Variants in FHAD1 observed in about 807,000 individuals in gnomAD.
FHAD1 encodes the protein forkhead-associated domain-containing protein 1.
A neutral mutation model predicts 191.3 loss-of-function variants in FHAD1; 146 were observed. The observed-to-expected ratio is 0.76, with a 90% CI of 0.67 to 0.88. The LOEUF (loss-of-function observed/expected upper bound fraction) is 0.88, where lower values mean the gene tolerates loss of function less well. Ranked by LOEUF, FHAD1 falls within the 40% of genes least tolerant of loss-of-function variation. FHAD1 has a pLI of 0.00. For synonymous variants in FHAD1, 616 were observed against 672.3 expected (o/e 0.92, Z 1.29); for missense variants, 1,635 against 1,785.8 (o/e 0.92, Z 1.52).
At position 15,365,907 on chromosome 1, in the gene FHAD1, C is replaced by A. The variant is rs373444389; in HGVS notation, c.3128C>A (p.Ala1043Asp). ...AAGTTAAGGAAAGACCTTACCGAAG[C>A]CCACAGCAGAATGTCGGATTTGAGA... ...IMKLRKDLTEAHSRMSDLRGE... is the reference protein window; with the variant it reads ...IMKLRKDLTEDHSRMSDLRGE... Residue 1043 changes from alanine to aspartate, a missense_variant, in exon 24 of 34, where the codon GCC becomes GAC. Physicochemically the swap from Ala to Asp is moderately radical, Grantham distance 126. Transcript: ENST00000688493. 1.0e-4 allele frequency: 156 copies of A among 1,551,168 alleles called. No homozygotes were observed. The highest frequency in any genetic ancestry group is 2.7e-4 in the Admixed American group (14 of 50,970).
intron 1 of FHAD1, 84 bp from the exon 2 acceptor site, chr1:15,251,687 A>G: frequency 9.4e-7 from 1 of 1,064,086 alleles, no homozygotes; most frequent in Non-Finnish European, 1.4e-6. Flanking sequence ...CTCTGTGGTT[A>G]TTTCATTCAT....
At chr1:15,353,031 A>T in intron 20 of FHAD1, 47 bp downstream of exon 20, 3 of 1,371,318 alleles carry the variant, frequency 2.2e-6, no homozygotes, top group Non-Finnish European at 3.0e-6. Context: ...AGCACAGCGA[A>T]GGGCAGTGCT....
intron 23 of FHAD1, 108 bp downstream of exon 23, chr1:15,362,834 A>G: frequency 1.2e-6 from 1 of 825,050 alleles, no homozygotes; most frequent in Non-Finnish European, 2.0e-6. Flanking sequence ...GAAGCCAAAC[A>G]AGGAGCCGGG....
chr1:15,374,179 T>C (rs1012083429), intron 26 of FHAD1, among the ~76,000 whole-genome samples: 1 of 152,202 alleles, frequency 6.6e-6, no homozygotes, highest in Admixed American at 6.5e-5. Flanking sequence ...TGGCTGTGAT[T>C]GTTCAGAAAC....
intron 2 of FHAD1, among the ~76,000 whole-genome samples, chr1:15,271,408 G>A (rs554221429): frequency 2.0e-5 from 3 of 152,308 alleles, no homozygotes; most frequent in African/African-American, 7.2e-5. Flanking sequence ...GGAACATGCA[G>A]TCACCTCCTT....
intron 2 of FHAD1, among the ~76,000 whole-genome samples, chr1:15,263,399 T>G (rs981338735): frequency 6.6e-6 from 1 of 152,136 alleles, no homozygotes; most frequent in Non-Finnish European, 1.5e-5. Context: ...CGGAAGCTTT[T>G]CTTCTATGTT....
chr1:15,294,295 T>G (rs996592116), intron 4 of FHAD1, among the ~76,000 whole-genome samples: 7 of 152,200 alleles, frequency 4.6e-5, no homozygotes, highest in Non-Finnish European at 1.0e-4. Flanking sequence ...AAAATTCTAT[T>G]TGGAAACGCA....
intron 2 of FHAD1, among the ~76,000 whole-genome samples, chr1:15,262,036 C>T (rs1651327392): frequency 6.6e-6 from 1 of 152,154 alleles, no homozygotes; most frequent in African/African-American, 2.4e-5. Context: ...CACACACACA[C>T]ACCAGTTAAT....
In FHAD1 at chr1:15,341,972, A is replaced by G. The variant is rs1023082746; in HGVS notation, c.2130+84A>G. The G allele has an allele frequency of 9.6e-6, 12 of 1,248,322 alleles. No individual in the cohort carries two copies. The South Asian group carries it at 2.1e-4, about 22-fold the overall frequency. The allele number at this position is 1,248,322 out of a possible 1,614,324, so 77.3% of individuals were successfully genotyped here. A position where few individuals can be genotyped will look rare whatever the true frequency, so the allele number is the denominator to read the frequency against. ...TGGGAAATTGAGGGCATGTACTTAGACAGAGAAATCTCAGCTACTCTGTTT... is the reference window on the plus strand; with the variant it reads ...TGGGAAATTGAGGGCATGTACTTAGGCAGAGAAATCTCAGCTACTCTGTTT... On this transcript the variant is annotated intron_variant, in intron 16 of 33. Coordinates refer to ENST00000688493, the MANE Select transcript of FHAD1 (RefSeq NM_001391957.1).
intron 33 of FHAD1, among the ~76,000 whole-genome samples, chr1:15,395,635 C>A (rs1196744678): frequency 6.6e-6 from 1 of 152,152 alleles, no homozygotes; most frequent in Non-Finnish European, 1.5e-5. Context: ...TGCCAGGACG[C>A]CCCCTCCTTT....
At chr1:15,377,870 G>A (rs1700019513) in intron 28 of FHAD1, among the ~76,000 whole-genome samples, 1 of 152,134 alleles carries the variant, frequency 6.6e-6, no homozygotes, top group Non-Finnish European at 1.5e-5. Context: ...GAAGGAGCAG[G>A]AGGAAGAACA....
rs1254170305 is a variant in FHAD1, at chr1:15,374,533, G to A, written c.3479G>A (p.Cys1160Tyr). Residue 1160 changes from cysteine to tyrosine, a missense_variant, in exon 27 of 34, where the codon TGC becomes TAC. Cys to Tyr is a radical substitution (Grantham distance 194). Coordinates refer to ENST00000688493, the MANE Select transcript of FHAD1 (RefSeq NM_001391957.1). ...QQSFSDLGVR[C>Y]KGSRHEEVIQ... The stretch of plus-strand genomic sequence containing the variant: ...TCCTTCAGCGATCTAGGGGTCAGGT[G>A]CAAAGGGTCCCGGCACGAGGAGGTC... The A allele has an allele frequency of 5.2e-6, 8 of 1,551,684 alleles. No individual in the cohort carries two copies. In the Admixed American group the frequency reaches 5.9e-5, roughly 11 times the overall value.
At chr1:15,326,927 G>C (rs1381942859) in intron 11 of FHAD1, 132 bp from the exon 12 acceptor site, 1 of 612,470 alleles carries the variant, frequency 1.6e-6, no homozygotes. Context: ...TGAAGATTCT[G>C]ATAACGCGGA....
At chr1:15,348,299 C>A (rs1206786539) in intron 18 of FHAD1, among the ~76,000 whole-genome samples, 1 of 152,148 alleles carries the variant, frequency 6.6e-6, no homozygotes, top group African/African-American at 2.4e-5. Context: ...GTTCCAAGTT[C>A]TAAATGCCTG....
At chr1:15,336,955 GC>G (rs777805552) in intron 14 of FHAD1, among the ~76,000 whole-genome samples, 50 of 152,276 alleles carry the variant, frequency 3.3e-4, no homozygotes, top group Non-Finnish European at 5.3e-4. Flanking sequence ...TGTGCAGTCA[GC>G]CCTTGGTCCA....
chr1:15,249,519 C>T (rs192804502), intron 1 of FHAD1, among the ~76,000 whole-genome samples: 1 of 151,980 alleles, frequency 6.6e-6, no homozygotes, highest in Non-Finnish European at 1.5e-5. Flanking sequence ...TCTTTTTATC[C>T]CTATTAAAGA....
At chr1:15,237,353 C>T (rs1234863487) in intron 1 of FHAD1, among the ~76,000 whole-genome samples, 1 of 152,210 alleles carries the variant, frequency 6.6e-6, no homozygotes, top group Admixed American at 6.5e-5. Flanking sequence ...CTCCCTCATT[C>T]CCCATCTTCC....
At chr1:15,348,959 A>G (rs1453315288) in intron 18 of FHAD1, 83 bp from the exon 19 acceptor site, 1 of 878,166 alleles carries the variant, frequency 1.1e-6, no homozygotes, top group Non-Finnish European at 1.8e-6. Context: ...TGTTACTATT[A>G]TTATTATTAT....
intron 18 of FHAD1, among the ~76,000 whole-genome samples, chr1:15,346,560 C>A (rs1483444870): frequency 6.6e-6 from 1 of 152,206 alleles, no homozygotes; most frequent in Non-Finnish European, 1.5e-5. Flanking sequence ...GTTCTCCAGC[C>A]ACGGTAGCCT....
Sources: gnomAD v4.1 joint callset for allele counts (sites outside exome capture counted in the v4.1 genomes callset) on GRCh38, gnomAD v4.1.1 for gene constraint, MANE v1.5 for transcripts, NCBI Gene and HGNC (gene_info 2026-07-23, HGNC 2026-07-21) for gene names.